The following PARP8 variants were observed in gnomAD, a reference collection of about 807,000 sequenced individuals.
PARP8 encodes poly(ADP-ribose) polymerase family member 8, also known as protein mono-ADP-ribosyltransferase PARP8.
PARP8 carries 51 observed loss-of-function variants against 124.1 expected under a neutral mutation model. That is an observed-to-expected ratio of 0.41 (90% CI 0.33 to 0.52). The LOEUF (loss-of-function observed/expected upper bound fraction) is 0.52. Among genes scored for constraint, PARP8 ranks in the 20% least tolerant of loss-of-function variants. PARP8 has a pLI of 0.21. For synonymous variants in PARP8, 391 were observed against 361.5 expected (o/e 1.08, Z -0.93); for missense variants, 860 against 1,018.9 (o/e 0.84, Z 2.12).
rs1036036733 is a variant in PARP8, at chr5:50,794,143, A to G, written c.738-64A>G. The G allele has an allele frequency of 7.9e-6, 12 of 1,522,522 alleles. No individual in the cohort carries two copies. In the African/African-American group the frequency reaches 1.5e-4, roughly 19 times the overall value. 94.3% of individuals were successfully genotyped at this position (1,522,522 alleles called of 1,614,324 possible). ...GATAAATGCATTTTCTACATAATAAATACAGTAACATTAATTGAAATTGCC... is the reference window on the plus strand; with the variant it reads ...GATAAATGCATTTTCTACATAATAAGTACAGTAACATTAATTGAAATTGCC... On this transcript the variant is annotated intron_variant, in intron 10 of 25. Transcript: ENST00000281631.
chr5:50,767,588 A>T (rs1030128914), intron 7 of PARP8, among the ~76,000 whole-genome samples: 1 of 152,214 alleles, frequency 6.6e-6, no homozygotes, highest in African/African-American at 2.4e-5. Flanking sequence ...AGTTGTTTAT[A>T]CTGTACCTCT....
At position 50,795,256 on chromosome 5, in the gene PARP8, C is replaced by G; in HGVS notation, c.1267C>G (p.Leu423Val). The G allele has an allele frequency of 6.2e-7, 1 of 1,614,138 alleles. No homozygotes were observed. The highest frequency in any genetic ancestry group is 1.1e-5 in the South Asian group (1 of 91,086). The change falls in exon 12 of 26, where the codon CTG (leucine) becomes GTG (valine). Residue 423 changes from leucine to valine, a missense_variant. By Grantham distance (32) the Leu-to-Val change is conservative. This residue lies in a region of PARP8 where 517 missense variants were observed against 544.2 expected (regional missense o/e 0.95). Transcript: ENST00000281631. ...TCTCAGAATGGAAGAATTATATGGA[C>G]TGAAAAATCACAAATTGCTCAGCAA... Reference protein sequence around the residue: ...SNLRMEELYGLKNHKLLSKSY... With the variant: ...SNLRMEELYGVKNHKLLSKSY...
chr5:50,752,214 C>T (rs752338284), intron 3 of PARP8, among the ~76,000 whole-genome samples: 1 of 151,802 alleles, frequency 6.6e-6, no homozygotes, highest in Non-Finnish European at 1.5e-5. Flanking sequence ...AATAAAGTAA[C>T]AAATTGTATT....
chr5:50,709,967 T>C (rs1236740764), intron 2 of PARP8, among the ~76,000 whole-genome samples: 1 of 134,784 alleles, frequency 7.4e-6, no homozygotes, highest in Non-Finnish European at 1.6e-5. Context: ...CACATACATA[T>C]ATACACACAC....
At chr5:50,779,020 T>C (rs1740357502) in intron 9 of PARP8, among the ~76,000 whole-genome samples, 1 of 152,210 alleles carries the variant, frequency 6.6e-6, no homozygotes, top group Non-Finnish European at 1.5e-5. Flanking sequence ...ATAAATTCTG[T>C]CTTTGAACAT....
chr5:50,795,959 C>A (rs1242428407), intron 12 of PARP8, among the ~76,000 whole-genome samples: 1 of 152,160 alleles, frequency 6.6e-6, no homozygotes, highest in Admixed American at 6.5e-5. Flanking sequence ...ATACTGAAGT[C>A]ACTTTATGCT....
At chr5:50,833,488 G>C (rs1368761723) in intron 23 of PARP8, 1 of 417,990 alleles carries the variant, frequency 2.4e-6, no homozygotes, top group East Asian at 7.1e-5. Flanking sequence ...TTTAAAAAAA[G>C]AGAGTATAGC....
rs577996465 is a variant in PARP8, at chr5:50,711,874, T to G, written c.147-38277T>G. Among the ~76,000 whole-genome samples, 3 of 152,254 alleles carry G rather than the reference T, an allele frequency of 2.0e-5. No individual in the cohort carries two copies. In the East Asian group the frequency reaches 5.8e-4, roughly 29 times the overall value. On this transcript the variant is annotated intron_variant, in intron 2 of 25. Transcript: ENST00000281631. ...ATAGTGATTATTAACAGCTGTTAAC[T>G]TCTCTTTTCTCTTTTAAGCGAGTAG...
intron 3 of PARP8, among the ~76,000 whole-genome samples, chr5:50,754,843 C>G: frequency 6.6e-6 from 1 of 152,102 alleles, no homozygotes; most frequent in Non-Finnish European, 1.5e-5. Context: ...TCTCCAGCAC[C>G]TGTTGTTTCC....
chr5:50,728,226 T>C (rs760783449), intron 2 of PARP8, among the ~76,000 whole-genome samples: 1 of 152,194 alleles, frequency 6.6e-6, no homozygotes, highest in Non-Finnish European at 1.5e-5. Context: ...CTGTTCCCTT[T>C]ATTAATTGAC....
chr5:50,747,168 T>G (rs142118740), intron 2 of PARP8, among the ~76,000 whole-genome samples: 10,287 of 139,084 alleles, frequency 0.074, 735 homozygotes, highest in African/African-American at 0.19. Context: ...GTTTTGTTTT[T>G]TTTTTTTTTT....
intron 2 of PARP8, among the ~76,000 whole-genome samples, chr5:50,691,590 TCCATCAA>T (rs1400573431): frequency 6.6e-6 from 1 of 152,152 alleles, no homozygotes; most frequent in Non-Finnish European, 1.5e-5. Flanking sequence ...TCCGGAAATC[TCCATCAA>T]CCTTGTGTTG....
intron 14 of PARP8, among the ~76,000 whole-genome samples, chr5:50,814,276 CAT>C (rs886671256): frequency 3.3e-5 from 5 of 152,012 alleles, no homozygotes; most frequent in Non-Finnish European, 5.9e-5. Context: ...AGCATATAAA[CAT>C]ATAGATACAC....
At chr5:50,738,928 G>C in intron 2 of PARP8, 1 of 700,526 alleles carries the variant, frequency 1.4e-6, no homozygotes, top group South Asian at 1.5e-5. Flanking sequence ...TTACATCAGG[G>C]CTCTGCCTCT....
intron 2 of PARP8, among the ~76,000 whole-genome samples, chr5:50,722,836 T>G (rs1280657994): frequency 6.6e-6 from 1 of 152,066 alleles, no homozygotes; most frequent in Non-Finnish European, 1.5e-5. Context: ...CTAGGAGTGT[T>G]TGGGATAGTC....
chr5:50,764,029 G>C (rs946834505), intron 7 of PARP8, among the ~76,000 whole-genome samples: 6 of 152,136 alleles, frequency 3.9e-5, no homozygotes, highest in African/African-American at 1.4e-4. Context: ...AAGGAATGCG[G>C]CTCTTCAAAT....
At chr5:50,755,908 G>C (rs1420673761) in intron 3 of PARP8, among the ~76,000 whole-genome samples, 2 of 152,156 alleles carry the variant, frequency 1.3e-5, no homozygotes, top group African/African-American at 2.4e-5. Context: ...TCCCTTGTAA[G>C]TTGGATTCCT....
chr5:50,755,354 T>G (rs1759810257), intron 3 of PARP8, among the ~76,000 whole-genome samples: 1 of 152,202 alleles, frequency 6.6e-6, no homozygotes, highest in Admixed American at 6.5e-5. Flanking sequence ...AATTAATTTT[T>G]ATATAAGGTG....
intron 16 of PARP8, 89 bp from the exon 17 acceptor site, chr5:50,822,246 T>G: frequency 1.1e-6 from 1 of 934,296 alleles, no homozygotes; most frequent in African/African-American, 1.7e-5. Context: ...AATTCACATA[T>G]GGAAATAATA....
Sources: allele counts gnomAD v4.1 joint callset (sites outside exome capture counted in the v4.1 genomes callset), GRCh38; gene constraint gnomAD v4.1.1; regional missense constraint gnomAD v4.1.1; transcripts MANE v1.5; gene names NCBI Gene and HGNC (gene_info 2026-07-23, HGNC 2026-07-21).